Variants in BMP5 observed in about 807,000 individuals in gnomAD.
The protein encoded by BMP5 is bone morphogenetic protein 5.
In BMP5, 23 loss-of-function variants were observed where a neutral mutation model predicts 46.6. The observed-to-expected ratio is 0.49, with a 90% CI of 0.35 to 0.70. The LOEUF (loss-of-function observed/expected upper bound fraction) is 0.70. Ranked by LOEUF, BMP5 falls within the 30% of genes least tolerant of loss-of-function variation. The pLI, the probability that BMP5 is intolerant of heterozygous loss-of-function variation, is 0.00. For missense variants in BMP5, 545 were observed against 565.6 expected, an observed-to-expected ratio of 0.96 and a Z score of 0.37; for synonymous variants, 204 against 191.9, an observed-to-expected ratio of 1.06 and a Z score of -0.52.
chr6:55,827,189 C>A (rs1163474685), intron 1 of BMP5, among the ~76,000 whole-genome samples: 3 of 151,614 alleles, frequency 2.0e-5, no homozygotes, highest in Non-Finnish European at 3.0e-5. Context: ...GATGCCACAG[C>A]AAATCTCAGT....
At position 55,758,293 on chromosome 6, in the gene BMP5, T is replaced by C. The variant is rs78140786; in HGVS notation, c.1215+712A>G. Among the ~76,000 whole-genome samples the C allele has an allele frequency of 9.3e-3, 1,406 of 151,972 alleles. 23 individuals carry two copies. Among genetic ancestry groups the C allele is most frequent in the African/African-American group, 0.033 (1,352 of 41,522 alleles). ...GCCTCTCATTTAGTCTTAGGGAGAT[T>C]GTTCCTCTGCCAAATCGATAGGCCA... On this transcript the variant is annotated intron_variant, in intron 6 of 6. Transcript: ENST00000370830.
At chr6:55,842,187 T>C (rs1366505169) in intron 1 of BMP5, among the ~76,000 whole-genome samples, 1 of 152,196 alleles carries the variant, frequency 6.6e-6, no homozygotes, top group Non-Finnish European at 1.5e-5. Context: ...CTTAGTCCCG[T>C]CAAAATTCAT....
rs1203483362 is a variant in BMP5 at position 55,785,747 on chromosome 6, C to CA, written c.832+8531dup. Among the ~76,000 whole-genome samples the CA allele has an allele frequency of 2.3e-3, 296 of 128,608 alleles. 2 individuals are homozygous for CA. The highest frequency in any genetic ancestry group is 4.4e-3 in the African/African-American group (147 of 33,764). 84.4% of individuals were successfully genotyped at this position (128,608 alleles called of 152,430 possible). On this transcript the variant is annotated intron_variant, in intron 3 of 6. Transcript: ENST00000370830. ...TATTTCTCCAAGGCTTGATTTCTTG[C>CA]AAAAAAAAAAAAATTTTTTCAGAAA... is the stretch of plus-strand genomic sequence containing the variant.
At chr6:55,808,314 C>T (rs1443788615) in intron 2 of BMP5, among the ~76,000 whole-genome samples, 1 of 152,200 alleles carries the variant, frequency 6.6e-6, no homozygotes, top group African/African-American at 2.4e-5. Context: ...TGGGACCAAG[C>T]CATCCAGTCT....
chr6:55,810,053 A>T (rs1776091053), intron 2 of BMP5, among the ~76,000 whole-genome samples: 1 of 152,180 alleles, frequency 6.6e-6, no homozygotes. Context: ...AAGAGACTAC[A>T]AATTAATAAT....
intron 1 of BMP5, among the ~76,000 whole-genome samples, chr6:55,872,574 CT>C (rs1777810910): frequency 6.6e-6 from 1 of 151,608 alleles, no homozygotes; most frequent in South Asian, 2.1e-4. Context: ...TTGGTTTTGA[CT>C]TTCTTACTCT....
chr6:55,766,280 T>A (rs1448483560), intron 4 of BMP5, among the ~76,000 whole-genome samples: 2 of 152,142 alleles, frequency 1.3e-5, no homozygotes, highest in African/African-American at 4.8e-5. Flanking sequence ...ATGGAATTTC[T>A]TTTTCTCCTC....
Position 55,852,615 on chromosome 6 carries a change from GCT to G in BMP5, c.490+21759_490+21760del, listed in dbSNP as rs568168791. Among the ~76,000 whole-genome samples the G allele has an allele frequency of 3.2e-3, 480 of 151,878 alleles. 3 individuals carry two copies. The highest frequency in any genetic ancestry group is 0.021 in the South Asian group (102 of 4,798). On this transcript the variant is annotated intron_variant, in intron 1 of 6. Coordinates refer to ENST00000370830, the MANE Select transcript of BMP5 (RefSeq NM_021073.4). ...TGTTTTTATTTTTAGTCTTATTTCTGCTCTCTTAGTCATACCAATTAATTTTA... is the reference window on the plus strand; with the variant it reads ...TGTTTTTATTTTTAGTCTTATTTCTGCTCTTAGTCATACCAATTAATTTTA...
At chr6:55,852,050 C>T (rs1296234359) in intron 1 of BMP5, among the ~76,000 whole-genome samples, 1 of 152,062 alleles carries the variant, frequency 6.6e-6, no homozygotes, top group Admixed American at 6.6e-5. Context: ...ATATGCCAAG[C>T]ACTTATTAGT....
rs141227178 is a variant in BMP5 at position 55,760,493 on chromosome 6, G to C, written c.1068C>G (p.His356Gln). 1 of 1,613,084 alleles carries C rather than the reference G, an allele frequency of 6.2e-7. No individual in the cohort carries two copies. ...TSEQKQACKK[H>Q]ELYVSFRDLG... ...GATCCCGGAAGCTCACATAGAGTTC[G>C]TGCTTCTTACAGGCTTGTTTTTGCT... Residue 356 changes from histidine (H) to glutamine (Q), a missense_variant, in exon 5 of 7, where the codon CAC becomes CAG. Physicochemically the swap from His to Gln is conservative, Grantham distance 24 (BLOSUM62 0). Coordinates refer to ENST00000370830, the MANE Select transcript of BMP5 (RefSeq NM_021073.4).
chr6:55,819,208 A>G (rs982635670), intron 2 of BMP5, among the ~76,000 whole-genome samples: 3 of 152,214 alleles, frequency 2.0e-5, no homozygotes, highest in African/African-American at 7.2e-5. Flanking sequence ...ACTTATAGAC[A>G]GAGGACATCA....
rs1174207164 is a variant in BMP5 at position 55,754,117 on chromosome 6, A to G, written c.*1416T>C. 1.3e-5 allele frequency: 2 copies of G among 151,946 alleles called. No individual in the cohort carries two copies. Among genetic ancestry groups the G allele is most frequent in the Non-Finnish European group, 2.9e-5 (2 of 67,924 alleles). 9.4% of individuals were successfully genotyped at this position (151,946 alleles called of 1,614,324 possible). A position where few individuals can be genotyped will look rare whatever the true frequency, so the allele number is the denominator to read the frequency against. ...GTATACGTTTGGTTTGAAAGATCCA[A>G]AAGGATGATTAATAAATGGTGCTTT... On this transcript the variant is annotated 3_prime_UTR_variant, in exon 7 of 7. Coordinates refer to ENST00000370830, the MANE Select transcript of BMP5 (RefSeq NM_021073.4).
intron 4 of BMP5, among the ~76,000 whole-genome samples, chr6:55,765,790 G>A (rs901409858): frequency 6.6e-6 from 1 of 152,040 alleles, no homozygotes; most frequent in Non-Finnish European, 1.5e-5. Context: ...AATGTGTGAC[G>A]CAAGACACCA....
chr6:55,874,762 T>G lies in BMP5; in HGVS notation c.104A>C (p.His35Pro), dbSNP rs775965702. The G allele has an allele frequency of 2.5e-6, 4 of 1,613,284 alleles. No individual in the cohort carries two copies. The Admixed American group carries it at 6.7e-5, about 27-fold the overall frequency. ...TAGTCTTCTATAAATAAAACTGGAG[T>G]GAACATGATTGTCTCCCAAACCTCC... ...AKGGLGDNHV[H>P]SSFIYRRLRN... The change falls in exon 1 of 7, where the codon CAC becomes CCC. Residue 35 changes from histidine to proline, a missense_variant. His to Pro is a moderately conservative substitution (Grantham distance 77). Coordinates refer to ENST00000370830, the MANE Select transcript of BMP5 (RefSeq NM_021073.4).
intron 3 of BMP5, among the ~76,000 whole-genome samples, chr6:55,776,844 C>T (rs1336118685): frequency 1.3e-5 from 2 of 151,856 alleles, no homozygotes; most frequent in African/African-American, 4.8e-5. Flanking sequence ...ATTCCAAAGA[C>T]TTTCAATATT....
intron 2 of BMP5, among the ~76,000 whole-genome samples, chr6:55,795,764 T>C (rs1582071104): frequency 6.6e-6 from 1 of 152,144 alleles, no homozygotes; most frequent in Admixed American, 6.5e-5. Flanking sequence ...ACTATGAATG[T>C]TTTATTGTCT....
At chr6:55,777,257 C>T (rs889300935) in intron 3 of BMP5, among the ~76,000 whole-genome samples, 1 of 151,784 alleles carries the variant, frequency 6.6e-6, no homozygotes, top group African/African-American at 2.4e-5. Context: ...ACCCAGACTA[C>T]ACCGTATGTA....
intron 4 of BMP5, among the ~76,000 whole-genome samples, chr6:55,761,209 A>T (rs987561732): frequency 6.6e-6 from 1 of 151,972 alleles, no homozygotes; most frequent in African/African-American, 2.4e-5. Context: ...TCCAAAATGC[A>T]CCTGCTCTCA....
intron 1 of BMP5, among the ~76,000 whole-genome samples, chr6:55,832,955 TA>T (rs111859904): frequency 2.2e-4 from 32 of 147,940 alleles, no homozygotes; most frequent in East Asian, 9.9e-4. Flanking sequence ...TACAAAAATT[TA>T]AAAAAAAAAA....
Sources: allele counts gnomAD v4.1 joint callset (sites outside exome capture counted in the v4.1 genomes callset), GRCh38; gene constraint gnomAD v4.1.1; transcripts MANE v1.5; gene names NCBI Gene and HGNC (gene_info 2026-07-23, HGNC 2026-07-21).